CNTN5: variants seen among roughly 807,000 people sequenced by gnomAD.
CNTN5 encodes contactin-5.
Under a neutral mutation model 129.1 loss-of-function variants are expected in CNTN5, and 77 were observed. The ratio of observed to expected loss-of-function variants is 0.60; its 90% CI spans 0.50 to 0.72. CNTN5 has a LOEUF of 0.72. Ranked by LOEUF, CNTN5 falls within the 30% of genes least tolerant of loss-of-function variation. CNTN5 has a pLI of 0.00. For missense variants in CNTN5, 1,478 were observed against 1,328.8 expected (o/e 1.11, Z -1.75); for synonymous variants, 509 against 465.6 (o/e 1.09, Z -1.20).
chr11:99,539,611 G>A (rs114248611), intron 2 of CNTN5, among the ~76,000 whole-genome samples: 12,647 of 152,002 alleles, frequency 0.083, 614 homozygotes, highest in African/African-American at 0.12. Context: ...CTTTTCACAT[G>A]AGGAAGCGGA....
At chr11:99,926,381 T>C (rs1950063585) in intron 7 of CNTN5, among the ~76,000 whole-genome samples, 1 of 152,168 alleles carries the variant, frequency 6.6e-6, no homozygotes, top group Non-Finnish European at 1.5e-5. Context: ...GTATCATTGC[T>C]ATCTTCAGGA....
intron 1 of CNTN5, among the ~76,000 whole-genome samples, chr11:99,273,866 C>CA (rs1863297602): frequency 6.6e-6 from 1 of 151,170 alleles, no homozygotes; most frequent in South Asian, 2.1e-4. Flanking sequence ...TGTTTTTTAT[C>CA]AGTTTTGTCA....
At chr11:99,387,393 A>G (rs1371457820) in intron 2 of CNTN5, among the ~76,000 whole-genome samples, 1 of 152,248 alleles carries the variant, frequency 6.6e-6, no homozygotes, top group Non-Finnish European at 1.5e-5. Flanking sequence ...TAGGAAATTT[A>G]GTTCCAAATC....
chr11:99,302,644 G>C (rs1461671), intron 1 of CNTN5, among the ~76,000 whole-genome samples: 1 of 151,578 alleles, frequency 6.6e-6, no homozygotes, highest in Non-Finnish European at 1.5e-5. Context: ...CTGTATGCTA[G>C]AAACATTAAA....
intron 2 of CNTN5, among the ~76,000 whole-genome samples, chr11:99,503,536 C>T (rs990519822): frequency 1.3e-5 from 2 of 152,152 alleles, no homozygotes; most frequent in Non-Finnish European, 2.9e-5. Context: ...GAGTGTGAAA[C>T]AAGTGTGCCT....
At chr11:99,775,112 T>C (rs757742575) in intron 3 of CNTN5, among the ~76,000 whole-genome samples, 15 of 152,080 alleles carry the variant, frequency 9.9e-5, no homozygotes, top group South Asian at 2.1e-4. Context: ...CTGATCATCA[T>C]TGTGGCCATA....
Position 100,088,398 on chromosome 11 carries a change from T to G in CNTN5, c.1580+14104T>G, listed in dbSNP as rs1565228546. On this transcript the variant is annotated intron_variant, in intron 13 of 24. Transcript: ENST00000524871. ...GATATAACTAAAATTAGAGCAGAGC[T>G]GAATAAAATACTGAGAAACAAAAGT... Among the ~76,000 whole-genome samples, 4 of 152,054 alleles carry G rather than the reference T, an allele frequency of 2.6e-5. No homozygotes were observed. In the East Asian group the frequency reaches 7.7e-4, roughly 29 times the overall value.
intron 1 of CNTN5, among the ~76,000 whole-genome samples, chr11:99,234,716 T>G (rs1056936404): frequency 1.3e-5 from 2 of 151,790 alleles, no homozygotes; most frequent in Non-Finnish European, 2.9e-5. Flanking sequence ...TATTTAAAAA[T>G]AAATAATAAT....
chr11:99,781,966 G>A (rs1234739422), intron 3 of CNTN5, among the ~76,000 whole-genome samples: 1 of 151,808 alleles, frequency 6.6e-6, no homozygotes, highest in African/African-American at 2.4e-5. Flanking sequence ...AGTGTTGGAA[G>A]TTCTGGCCAG....
chr11:99,135,913 A>G (rs1859195999), intron 1 of CNTN5, among the ~76,000 whole-genome samples: 1 of 152,024 alleles, frequency 6.6e-6, no homozygotes, highest in Admixed American at 6.6e-5. Flanking sequence ...GCACCATTAT[A>G]CTCCCAGTGA....
intron 1 of CNTN5, among the ~76,000 whole-genome samples, chr11:99,040,206 A>G (rs1366117375): frequency 1.3e-5 from 2 of 152,140 alleles, no homozygotes; most frequent in East Asian, 3.8e-4. Context: ...AAACTTTGAG[A>G]TAAAGATAGG....
At chr11:99,735,788 G>T (rs771163539) in intron 3 of CNTN5, among the ~76,000 whole-genome samples, 12 of 152,128 alleles carry the variant, frequency 7.9e-5, no homozygotes, top group Non-Finnish European at 1.6e-4. Flanking sequence ...CATCGTTTGT[G>T]TGTGTAGAGA....
At chr11:99,861,240 A>G (rs1019137476) in intron 6 of CNTN5, among the ~76,000 whole-genome samples, 1 of 152,292 alleles carries the variant, frequency 6.6e-6, no homozygotes, top group Middle Eastern at 3.4e-3. Flanking sequence ...TACAGGCGTG[A>G]GCCACCACAC....
chr11:99,927,798 A>T (rs781588408), intron 7 of CNTN5, among the ~76,000 whole-genome samples: 2 of 152,080 alleles, frequency 1.3e-5, no homozygotes, highest in Non-Finnish European at 2.9e-5. Context: ...GCCCCTCTCA[A>T]ATCTCATGTC....
intron 3 of CNTN5, among the ~76,000 whole-genome samples, chr11:99,770,937 A>T (rs1286417958): frequency 6.6e-6 from 1 of 152,128 alleles, no homozygotes; most frequent in Non-Finnish European, 1.5e-5. Context: ...TCAAAAGAGT[A>T]TGGTACTGGC....
intron 1 of CNTN5, among the ~76,000 whole-genome samples, chr11:99,279,584 C>T (rs193260005): frequency 2.0e-5 from 3 of 151,674 alleles, no homozygotes; most frequent in Admixed American, 6.6e-5. Flanking sequence ...CTTGTTGGGG[C>T]AGCTTTGAAC....
intron 1 of CNTN5, among the ~76,000 whole-genome samples, chr11:99,259,704 A>C (rs922343403): frequency 5.9e-5 from 9 of 151,782 alleles, no homozygotes; most frequent in Admixed American, 1.3e-4. Flanking sequence ...TGGAAATTGA[A>C]AGGAGGTTTA....
chr11:99,416,383 T>C (rs1224233762), intron 2 of CNTN5, among the ~76,000 whole-genome samples: 2 of 151,998 alleles, frequency 1.3e-5, no homozygotes, highest in Non-Finnish European at 2.9e-5. Flanking sequence ...TGGGCTCAAG[T>C]AATCCTCCTG....
At chr11:99,111,620 T>C (rs1857800062) in intron 1 of CNTN5, among the ~76,000 whole-genome samples, 1 of 151,926 alleles carries the variant, frequency 6.6e-6, no homozygotes, top group African/African-American at 2.4e-5. Context: ...ATTTTACAAA[T>C]TGAATCTTGG....
Sources: allele counts gnomAD v4.1 joint callset (sites outside exome capture counted in the v4.1 genomes callset), GRCh38; gene constraint gnomAD v4.1.1; transcripts MANE v1.5; gene names NCBI Gene and HGNC (gene_info 2026-07-23, HGNC 2026-07-21).